LRP1B: variants seen among roughly 807,000 people sequenced by gnomAD.
LRP1B encodes LDL receptor related protein 1B.
In LRP1B, 217 loss-of-function variants were observed where a neutral mutation model predicts 556.6. The ratio of observed to expected loss-of-function variants is 0.39; its 90% CI spans 0.35 to 0.44. LRP1B has a LOEUF of 0.44. LRP1B is among the 20% of genes least tolerant of loss of function. The pLI is 1.00. For synonymous variants in LRP1B, 2,047 were observed against 1,865.8 expected, an observed-to-expected ratio of 1.10 and a Z score of -2.50; for missense variants, 5,053 against 5,620.8, an observed-to-expected ratio of 0.90 and a Z score of 3.23.
intron 28 of LRP1B, among the ~76,000 whole-genome samples, 185 bp from the exon 29 acceptor site, chr2:140,850,514 A>G (rs1692425073): frequency 6.6e-6 from 1 of 152,172 alleles, no homozygotes; most frequent in African/African-American, 2.4e-5. Context: ...CAAATATGAA[A>G]TGAGTTAGAA....
intron 2 of LRP1B, among the ~76,000 whole-genome samples, chr2:141,689,929 T>C (rs1691452989): frequency 6.6e-6 from 1 of 151,796 alleles, no homozygotes; most frequent in Non-Finnish European, 1.5e-5. Flanking sequence ...GATAGCTGAA[T>C]AAACATAAAA....
At chr2:142,059,684 A>C (rs1320279279) in intron 1 of LRP1B, among the ~76,000 whole-genome samples, 2 of 152,102 alleles carry the variant, frequency 1.3e-5, no homozygotes, top group African/African-American at 4.8e-5. Flanking sequence ...TTGCTAAGAA[A>C]TGACTGCTTC....
chr2:141,474,572 C>T (rs770108292), intron 3 of LRP1B, among the ~76,000 whole-genome samples: 1 of 152,054 alleles, frequency 6.6e-6, no homozygotes, highest in Admixed American at 6.6e-5. Context: ...AATGCAATTG[C>T]ATATATTAGG....
intron 3 of LRP1B, among the ~76,000 whole-genome samples, chr2:141,264,223 C>T (rs10928100): frequency 0.28 from 41,909 of 151,968 alleles, 6,286 homozygotes; most frequent in Middle Eastern, 0.44. Flanking sequence ...CCATCAAAAA[C>T]CCACCAGAAC....
chr2:141,833,192 A>C (rs1697166187), intron 1 of LRP1B, among the ~76,000 whole-genome samples: 1 of 151,792 alleles, frequency 6.6e-6, no homozygotes, highest in Admixed American at 6.6e-5. Flanking sequence ...TAATTTAATA[A>C]ATAGCTAATT....
At chr2:141,431,400 T>C (rs1022917022) in intron 3 of LRP1B, among the ~76,000 whole-genome samples, 1 of 152,162 alleles carries the variant, frequency 6.6e-6, no homozygotes, top group South Asian at 2.1e-4. Context: ...AAATGGGATC[T>C]CAATCTTACA....
chr2:140,546,886 C>CT lies in LRP1B; in HGVS notation c.7195-4916dup, dbSNP rs549729022. Among the ~76,000 whole-genome samples, 711 of 152,052 alleles carry CT rather than the reference C, an allele frequency of 4.7e-3. 3 individuals are homozygous for CT. The highest frequency in any genetic ancestry group is 7.9e-3 in the Non-Finnish European group (536 of 67,970). Reference sequence around the variant, plus strand: ...TGGGGTGTTGAATTTTATCAAAAGCCTTTTTTGCATCTATTGAGATAATCA... The same window carrying CT: ...TGGGGTGTTGAATTTTATCAAAAGCCTTTTTTTGCATCTATTGAGATAATCA... On this transcript the variant is annotated intron_variant, in intron 43 of 90. Transcript: ENST00000389484.
At chr2:141,216,422 C>G (rs763753507) in intron 6 of LRP1B, among the ~76,000 whole-genome samples, 19 of 152,210 alleles carry the variant, frequency 1.2e-4, no homozygotes, top group South Asian at 2.1e-4. Flanking sequence ...GGAGGCTGCA[C>G]AGAGAACTTC....
In LRP1B at chr2:140,958,168, T is replaced by C. The variant is rs928079795; in HGVS notation, c.2888-6228A>G. The stretch of plus-strand genomic sequence containing the variant: ...TAATTATAAAATAATTAAAATCTGG[T>C]GACTAAAATTCAGCAGACCTAACAA... On this transcript the variant is annotated intron_variant, in intron 18 of 90. Transcript: ENST00000389484. Among the ~76,000 whole-genome samples the C allele has an allele frequency of 7.9e-5, 12 of 151,526 alleles. No individual in the cohort carries two copies. In the South Asian group the frequency reaches 1.7e-3, roughly 21 times the overall value.
chr2:141,853,104 TA>T lies in LRP1B; in HGVS notation c.83-42704del, dbSNP rs763047830. Among the ~76,000 whole-genome samples the T allele has an allele frequency of 1.3e-4, 19 of 151,870 alleles. No individual in the cohort carries two copies. The East Asian group carries it at 3.7e-3, about 29-fold the overall frequency. ...ATTAAAAGCTCTGGTGGTTGTTAGC[TA>T]CCCATCCAAAAATTAATAAAATGAA... On this transcript the variant is annotated intron_variant, in intron 1 of 90. Transcript: ENST00000389484.
intron 7 of LRP1B, among the ~76,000 whole-genome samples, chr2:141,120,524 T>G (rs982213996): frequency 1.3e-5 from 2 of 152,016 alleles, no homozygotes; most frequent in Admixed American, 1.3e-4. Context: ...TATGATTATA[T>G]CAAATAGAAA....
At chr2:141,924,518 C>T (rs193031649) in intron 1 of LRP1B, among the ~76,000 whole-genome samples, 1 of 152,252 alleles carries the variant, frequency 6.6e-6, no homozygotes, top group East Asian at 1.9e-4. Context: ...GAGGGTCCAT[C>T]GAGCTGGTTA....
In LRP1B at chr2:140,973,246, A is replaced by C. The variant is rs183451609; in HGVS notation, c.2887+8914T>G. On this transcript the variant is annotated intron_variant, in intron 18 of 90. Transcript: ENST00000389484. ...TTATTAGGTCAGCTTTTCCCAGAAGAATGTTTTTAATTGCTCTCCAAAAAG... is the reference window on the plus strand; with the variant it reads ...TTATTAGGTCAGCTTTTCCCAGAAGCATGTTTTTAATTGCTCTCCAAAAAG... 5.5e-4 allele frequency among the ~76,000 whole-genome samples: 83 copies of C among 151,906 alleles called. No homozygotes were observed. The East Asian group carries it at 9.1e-3, about 17-fold the overall frequency.
intron 2 of LRP1B, among the ~76,000 whole-genome samples, chr2:141,645,469 CTTTTTTTT>C (rs750147915): frequency 4.1e-5 from 2 of 48,402 alleles, no homozygotes; most frequent in Non-Finnish European, 7.2e-5. Context: ...GAAGACAAGG[CTTTTTTTT>C]TTTTTTTTTT....
intron 66 of LRP1B, among the ~76,000 whole-genome samples, chr2:140,409,111 T>C (rs985282884): frequency 6.6e-6 from 1 of 152,010 alleles, no homozygotes; most frequent in Non-Finnish European, 1.5e-5. Flanking sequence ...GAAGGATTGC[T>C]AAAGGATTAC....
chr2:141,027,201 C>A (rs181095637), intron 11 of LRP1B, among the ~76,000 whole-genome samples: 1 of 152,080 alleles, frequency 6.6e-6, no homozygotes, highest in African/African-American at 2.4e-5. Flanking sequence ...ATCACAAAGA[C>A]CGTATATAGT....
rs532508598 is a variant in LRP1B, at chr2:141,768,032, G to A, written c.205+42247C>T. On this transcript the variant is annotated intron_variant, in intron 2 of 90. Transcript: ENST00000389484. ...GACAATATAACTTTCTGATCTTCTTGAGATGCTTATCCCAGTATATTATGA... is the reference window on the plus strand; with the variant it reads ...GACAATATAACTTTCTGATCTTCTTAAGATGCTTATCCCAGTATATTATGA... Among the ~76,000 whole-genome samples the A allele has an allele frequency of 1.8e-4, 27 of 152,222 alleles. No homozygotes were observed. In the East Asian group the frequency reaches 5.0e-3, roughly 28 times the overall value.
intron 7 of LRP1B, among the ~76,000 whole-genome samples, chr2:141,151,619 T>C (rs1002207374): frequency 5.9e-5 from 9 of 152,170 alleles, no homozygotes; most frequent in Non-Finnish European, 1.5e-5. Context: ...TTCTCTCTTT[T>C]TCAGTTCTGT....
At chr2:140,968,726 T>G (rs1348904657) in intron 18 of LRP1B, among the ~76,000 whole-genome samples, 1 of 152,198 alleles carries the variant, frequency 6.6e-6, no homozygotes, top group African/African-American at 2.4e-5. Context: ...TCTGGTATGT[T>G]GTGTCTTTGT....
Sources: allele counts gnomAD v4.1 joint callset (sites outside exome capture counted in the v4.1 genomes callset), GRCh38; gene constraint gnomAD v4.1.1; transcripts MANE v1.5; gene names NCBI Gene and HGNC (gene_info 2026-07-23, HGNC 2026-07-21).